Variants in SLC4A5 observed in about 807,000 individuals in gnomAD.
The protein encoded by SLC4A5 is electrogenic sodium bicarbonate cotransporter 4.
Under a neutral mutation model 120.4 loss-of-function variants are expected in SLC4A5, and 96 were observed. The observed-to-expected ratio is 0.80, with a 90% CI of 0.68 to 0.94. The LOEUF is 0.94. SLC4A5 is among the 40% of genes least tolerant of loss of function. SLC4A5 has a pLI of 0.00. For missense variants in SLC4A5, 1,259 were observed against 1,459.5 expected (o/e 0.86, Z 2.24); for synonymous variants, 550 against 571.1 (o/e 0.96, Z 0.53).
rs1670920634 is a variant in SLC4A5, at chr2:74,255,102, T to C, written c.1026-396A>G. On this transcript the variant is annotated intron_variant, in intron 13 of 30. Coordinates refer to ENST00000394019, the Ensembl canonical transcript of SLC4A5. This position sits in a 1 kb window ranked among gnomAD's most constrained non-coding sequence, Gnocchi z 4.0. ...TCCCAGAGTGCTGGGATTAGAGGAATGAGCCACTGCGCTGGGCCCATTCTT... is the reference window on the plus strand; with the variant it reads ...TCCCAGAGTGCTGGGATTAGAGGAACGAGCCACTGCGCTGGGCCCATTCTT... 6.6e-6 allele frequency among the ~76,000 whole-genome samples: 1 copy of C among 152,064 alleles called. No individual in the cohort carries two copies. Among genetic ancestry groups the C allele is most frequent in the Non-Finnish European group, 1.5e-5 (1 of 67,992 alleles).
At chr2:74,277,973 A>G (rs941999012) in intron 8 of SLC4A5, among the ~76,000 whole-genome samples, 4 of 152,182 alleles carry the variant, frequency 2.6e-5, no homozygotes, top group African/African-American at 9.7e-5. Context: ...GATAAATATG[A>G]AACTTTGATG....
intron 25 of SLC4A5, among the ~76,000 whole-genome samples, chr2:74,228,554 C>T (rs1441437891): frequency 3.9e-5 from 6 of 151,998 alleles, no homozygotes; most frequent in East Asian, 1.9e-4. Flanking sequence ...CGCTTGAATC[C>T]GGGAGATGGA....
intron 2 of SLC4A5, among the ~76,000 whole-genome samples, chr2:74,339,920 G>A (rs1673586032): frequency 6.6e-6 from 1 of 152,230 alleles, no homozygotes; most frequent in African/African-American, 2.4e-5. Flanking sequence ...ATCACGCTAA[G>A]TGAAATAAGC....
exon 18 of SLC4A5, chr2:74,248,444 A>G (rs1250973840): frequency 6.8e-6 from 11 of 1,614,030 alleles, no homozygotes; most frequent in Non-Finnish European, 9.3e-6. Flanking sequence ...AGGCAGAACA[A>G]GGAGCCAGCC....
At chr2:74,265,318 C>A in intron 8 of SLC4A5, 54 bp from the exon 9 acceptor site, 1 of 1,582,210 alleles carries the variant, frequency 6.3e-7, no homozygotes. Context: ...GAGGAGGCCT[C>A]ACCTGGGTCT....
chr2:74,245,870 C>T (rs750185423), intron 19 of SLC4A5, among the ~76,000 whole-genome samples: 8 of 152,198 alleles, frequency 5.3e-5, no homozygotes, highest in South Asian at 2.1e-4. Context: ...TCAACTCAAT[C>T]GGGGTATAGA....
At chr2:74,291,284 G>A (rs1672158882) in intron 7 of SLC4A5, among the ~76,000 whole-genome samples, 1 of 152,212 alleles carries the variant, frequency 6.6e-6, no homozygotes. Flanking sequence ...GCTCTTCTGA[G>A]AAACTCCTAA....
At chr2:74,278,560 C>A (rs1219123857) in intron 8 of SLC4A5, among the ~76,000 whole-genome samples, 3 of 152,158 alleles carry the variant, frequency 2.0e-5, no homozygotes, top group African/African-American at 7.2e-5. Context: ...TGTGAGAGCA[C>A]TGGATGGAAC....
chr2:74,313,265 A>C (rs1224303651), intron 6 of SLC4A5, among the ~76,000 whole-genome samples: 1 of 152,154 alleles, frequency 6.6e-6, no homozygotes, highest in African/African-American at 2.4e-5. Flanking sequence ...CCCTTAAAAA[A>C]TTCTAGTGTT....
chr2:74,248,604 G>T (rs1670693926), intron 17 of SLC4A5, 118 bp from the exon 18 acceptor site: 1 of 1,217,522 alleles, frequency 8.2e-7, no homozygotes, highest in Admixed American at 2.6e-5. Flanking sequence ...CTTCGTTCTG[G>T]GCCCTTTCCT....
At chr2:74,250,291 C>T in intron 17 of SLC4A5, 52 bp downstream of exon 17, 2 of 1,577,044 alleles carry the variant, frequency 1.3e-6, no homozygotes, top group East Asian at 2.3e-5. Flanking sequence ...CCTGCTGCCA[C>T]CAGGTGGCGG....
chr2:74,227,486 G>C (rs763023016), intron 26 of SLC4A5: 10 of 1,602,430 alleles, frequency 6.2e-6, no homozygotes, highest in Non-Finnish European at 8.5e-6. Flanking sequence ...GCTGCCTTAG[G>C]GAAGAGAGAG....
chr2:74,304,443 A>T (rs1672573823), intron 7 of SLC4A5, 46 bp downstream of exon 7: 17 of 1,549,852 alleles, frequency 1.1e-5, no homozygotes, highest in Non-Finnish European at 1.3e-5. Flanking sequence ...CCATCTGGAC[A>T]CACCAGCAGG....
At chr2:74,265,793 T>C (rs1671283919) in intron 8 of SLC4A5, among the ~76,000 whole-genome samples, 1 of 152,208 alleles carries the variant, frequency 6.6e-6, no homozygotes, top group African/African-American at 2.4e-5. Flanking sequence ...TTCACTCTTT[T>C]TGCCTCTGAA....
At chr2:74,308,357 T>G (rs1270161056) in intron 6 of SLC4A5, among the ~76,000 whole-genome samples, 1 of 152,224 alleles carries the variant, frequency 6.6e-6, no homozygotes, top group Non-Finnish European at 1.5e-5. Flanking sequence ...TGGAAGAGCA[T>G]TTCCTATTGC....
chr2:74,313,774 C>T (rs1439268283), intron 6 of SLC4A5, among the ~76,000 whole-genome samples: 1 of 152,170 alleles, frequency 6.6e-6, no homozygotes, highest in Non-Finnish European at 1.5e-5. Context: ...TAAGTAGTTC[C>T]ACTCTAAGGG....
chr2:74,232,653 G>T lies in SLC4A5; in HGVS notation c.2596-6C>A. 1.2e-6 allele frequency: 2 copies of T among 1,612,376 alleles called. No individual in the cohort carries two copies. Among genetic ancestry groups the T allele is most frequent in the Non-Finnish European group, 1.7e-6 (2 of 1,179,400 alleles). On this transcript the variant is annotated splice_region_variant and splice_polypyrimidine_tract_variant and intron_variant, in intron 23 of 30. Coordinates refer to ENST00000394019, the Ensembl canonical transcript of SLC4A5. ...AGATGGTAGCCGGCAGCCTTCTGCA[G>T]GAGCGGGGTTGGGGGAGGGAGAAGT...
intron 3 of SLC4A5, among the ~76,000 whole-genome samples, chr2:74,335,377 TC>T (rs1250897759): frequency 6.6e-6 from 1 of 152,186 alleles, no homozygotes; most frequent in Non-Finnish European, 1.5e-5. Flanking sequence ...AGGAACTCGT[TC>T]TTCAGACAGA....
At chr2:74,323,033 G>A (rs1673134019) in intron 5 of SLC4A5, among the ~76,000 whole-genome samples, 1 of 152,162 alleles carries the variant, frequency 6.6e-6, no homozygotes, top group Non-Finnish European at 1.5e-5. Context: ...GAGGTCAGGA[G>A]TTCAAGACCA....
Sources: allele counts gnomAD v4.1 joint callset (sites outside exome capture counted in the v4.1 genomes callset), GRCh38; gene constraint gnomAD v4.1.1; non-coding constraint Gnocchi (gnomAD v3.1); transcripts MANE v1.5; gene names NCBI Gene and HGNC (gene_info 2026-07-23, HGNC 2026-07-21).